EIF4G3: variants seen among roughly 807,000 people sequenced by gnomAD.
The protein encoded by EIF4G3 is eIF-4-gamma 3.
EIF4G3 carries 34 observed loss-of-function variants against 186.4 expected under a neutral mutation model. The ratio of observed to expected loss-of-function variants is 0.18; its 90% CI spans 0.14 to 0.24. EIF4G3 has a LOEUF of 0.24. Among genes scored for constraint, EIF4G3 ranks in the 10% least tolerant of loss-of-function variants. EIF4G3 has a pLI of 1.00. For missense variants in EIF4G3, 1,536 were observed against 1,948.5 expected, an observed-to-expected ratio of 0.79 and a Z score of 3.99; for synonymous variants, 673 against 679.5, an observed-to-expected ratio of 0.99 and a Z score of 0.15.
intron 20 of EIF4G3, among the ~76,000 whole-genome samples, chr1:20,865,534 T>C (rs2077364778): frequency 6.6e-6 from 1 of 151,772 alleles, no homozygotes; most frequent in South Asian, 2.1e-4. Context: ...ATTGCAACTA[T>C]AACTCTGAAC....
intron 2 of EIF4G3, among the ~76,000 whole-genome samples, chr1:21,171,037 A>G (rs2097956270): frequency 6.6e-6 from 1 of 152,230 alleles, no homozygotes; most frequent in Non-Finnish European, 1.5e-5. Context: ...AAATGCACTT[A>G]AAATAGTTTA....
At chr1:20,844,701 G>A (rs185285069) in intron 29 of EIF4G3, among the ~76,000 whole-genome samples, 30 of 151,938 alleles carry the variant, frequency 2.0e-4, no homozygotes, top group Middle Eastern at 3.4e-3. Flanking sequence ...GTGTAGTGGC[G>A]GGCGCCTGTA....
intron 3 of EIF4G3, among the ~76,000 whole-genome samples, chr1:21,070,249 A>G (rs1572059674): frequency 6.6e-6 from 1 of 152,268 alleles, no homozygotes; most frequent in East Asian, 1.9e-4. Context: ...AAAAAGTTTG[A>G]TGCTTACTTT....
chr1:20,918,726 T>A (rs975536197), intron 14 of EIF4G3, among the ~76,000 whole-genome samples: 53 of 115,398 alleles, frequency 4.6e-4, no homozygotes, highest in Admixed American at 9.3e-4. Context: ...TTTTTTTTTT[T>A]AAAGAGGCAG....
In EIF4G3 at chr1:21,150,703, G is replaced by C. The variant is rs532041334; in HGVS notation, c.-272+25472C>G. Among the ~76,000 whole-genome samples, 4 of 152,316 alleles carry C rather than the reference G, an allele frequency of 2.6e-5. No homozygotes were observed. In the South Asian group the frequency reaches 8.3e-4, roughly 32 times the overall value. On this transcript the variant is annotated intron_variant, in intron 2 of 36. Coordinates refer to ENST00000602326, the MANE Select transcript of EIF4G3 (RefSeq NM_001391906.1). ...TAATTATAAAAATAACTGGCCGGGT[G>C]CGGTGGCTCAGGCCTGTAATCCCAG...
intron 8 of EIF4G3, among the ~76,000 whole-genome samples, chr1:20,981,662 T>C (rs1288996548): frequency 7.6e-6 from 1 of 132,058 alleles, no homozygotes; most frequent in African/African-American, 2.8e-5. Flanking sequence ...CATACATGTA[T>C]ACGCACATAC....
chr1:21,036,213 T>C (rs978526378), intron 4 of EIF4G3, among the ~76,000 whole-genome samples: 1 of 151,886 alleles, frequency 6.6e-6, no homozygotes, highest in Non-Finnish European at 1.5e-5. Context: ...CCACCCACTC[T>C]AGGGCCTCCT....
At chr1:20,819,179 G>A (rs779139726) in intron 33 of EIF4G3, among the ~76,000 whole-genome samples, 1 of 152,018 alleles carries the variant, frequency 6.6e-6, no homozygotes, top group Non-Finnish European at 1.5e-5. Context: ...CAACATGAAG[G>A]CCATAAGCTG....
intron 15 of EIF4G3, among the ~76,000 whole-genome samples, chr1:20,903,883 C>G (rs2091260722): frequency 6.6e-6 from 1 of 151,756 alleles, no homozygotes; most frequent in Non-Finnish European, 1.5e-5. Flanking sequence ...CATGTTAAAC[C>G]TTGAGTAAAA....
At chr1:20,904,016 G>A (rs1026990070) in intron 15 of EIF4G3, among the ~76,000 whole-genome samples, 1 of 152,120 alleles carries the variant, frequency 6.6e-6, no homozygotes, top group Non-Finnish European at 1.5e-5. Context: ...TTACAGACAA[G>A]GAAATTGTTA....
chr1:21,019,293 G>T (rs1046696070), intron 4 of EIF4G3, among the ~76,000 whole-genome samples: 2 of 152,240 alleles, frequency 1.3e-5, no homozygotes, highest in African/African-American at 4.8e-5. Context: ...CTAATTGGTT[G>T]TCAGACGAAT....
At chr1:20,963,114 G>T (rs1228644477) in intron 12 of EIF4G3, among the ~76,000 whole-genome samples, 1 of 151,702 alleles carries the variant, frequency 6.6e-6, no homozygotes, top group Non-Finnish European at 1.5e-5. Context: ...TGTATGGTCT[G>T]TATTTGTGTA....
intron 2 of EIF4G3, among the ~76,000 whole-genome samples, chr1:21,147,389 G>A (rs1042667812): frequency 6.6e-6 from 1 of 151,802 alleles, no homozygotes. Flanking sequence ...CGCCTGGGCT[G>A]GAGTGCAATC....
At chr1:20,873,822 C>T in intron 20 of EIF4G3, among the ~76,000 whole-genome samples, 1 of 151,304 alleles carries the variant, frequency 6.6e-6, no homozygotes, top group Non-Finnish European at 1.5e-5. Context: ...CTGACCTGTC[C>T]TTTAAGTTCC....
intron 14 of EIF4G3, among the ~76,000 whole-genome samples, chr1:20,927,502 T>TC (rs1268828339): frequency 6.6e-6 from 1 of 152,138 alleles, no homozygotes; most frequent in Non-Finnish European, 1.5e-5. Flanking sequence ...TCCAGAGAAG[T>TC]CTGAAAGCAG....
chr1:20,824,383 AT>A (rs1188521568), intron 33 of EIF4G3, among the ~76,000 whole-genome samples: 2 of 152,040 alleles, frequency 1.3e-5, no homozygotes, highest in African/African-American at 4.8e-5. Context: ...ACCTATGGTG[AT>A]TTTTTTTCTC....
At chr1:21,073,888 C>G (rs2100482843) in intron 3 of EIF4G3, 1 of 228,594 alleles carries the variant, frequency 4.4e-6, no homozygotes, top group African/African-American at 2.2e-5. Flanking sequence ...CTCACTGCAG[C>G]CTTGACCTCT....
intron 2 of EIF4G3, among the ~76,000 whole-genome samples, chr1:21,156,845 C>A (rs1044426966): frequency 6.6e-6 from 1 of 152,056 alleles, no homozygotes; most frequent in Admixed American, 6.6e-5. Context: ...GAGGCTGGAG[C>A]CAGAGGATCG....
At chr1:21,125,054 G>A (rs560573817) in intron 2 of EIF4G3, among the ~76,000 whole-genome samples, 2 of 152,122 alleles carry the variant, frequency 1.3e-5, no homozygotes, top group South Asian at 2.1e-4. Context: ...AATGTAAACA[G>A]GCAGTATCAG....
Sources: allele counts gnomAD v4.1 joint callset (sites outside exome capture counted in the v4.1 genomes callset), GRCh38; gene constraint gnomAD v4.1.1; transcripts MANE v1.5; gene names NCBI Gene and HGNC (gene_info 2026-07-23, HGNC 2026-07-21).